Variants in PLK5 observed in about 807,000 individuals in gnomAD.
The protein encoded by PLK5 is inactive serine/threonine-protein kinase PLK5.
In PLK5, 28 loss-of-function variants were observed where a neutral mutation model predicts 33.7. The observed-to-expected ratio is 0.83, with a 90% confidence interval of 0.62 to 1.14. The LOEUF is 1.14. Ranked by LOEUF, PLK5 falls within the 50% of genes most tolerant of loss-of-function variation. The pLI is 0.00. For synonymous variants in PLK5, 225 were observed against 202.2 expected, an observed-to-expected ratio of 1.11 and a Z score of -0.96; for missense variants, 492 against 461.5, an observed-to-expected ratio of 1.07 and a Z score of -0.61.
At chr19:1,534,955 C>T (rs1469927531) in intron 13 of PLK5, 110 bp from the exon 14 acceptor site, 2 of 1,059,678 alleles carry the variant, frequency 1.9e-6, no homozygotes, top group Non-Finnish European at 2.6e-6. Flanking sequence ...GCACTAGGGG[C>T]CAGACTGGGG....
intron 9 of PLK5, 96 bp from the exon 10 acceptor site, chr19:1,529,310 G>A (rs1913853471): frequency 1.8e-6 from 2 of 1,113,346 alleles, no homozygotes; most frequent in Non-Finnish European, 2.6e-6. Flanking sequence ...GCAGAGCACG[G>A]AGGGCACAGG....
Position 1,526,721 on chromosome 19 carries a change from A to G in PLK5, c.-165A>G, listed in dbSNP as rs931891127. Reference sequence around the variant, plus strand: ...ACTGCCAGGTAACTTCTTCCTTAACAAGAACATGGAGGTGAAGATTGGAGA... The same window carrying G: ...ACTGCCAGGTAACTTCTTCCTTAACGAGAACATGGAGGTGAAGATTGGAGA... On this transcript the variant is annotated 5_prime_UTR_variant, in exon 5 of 14. Coordinates refer to ENST00000454744, the MANE Select transcript of PLK5 (RefSeq NM_001243079.2). The G allele has an allele frequency of 4.2e-5, 22 of 518,230 alleles. No individual in the cohort carries two copies. The highest frequency in any genetic ancestry group is 3.0e-4 in the Admixed American group (9 of 30,006). 32.1% of individuals were successfully genotyped at this position (518,230 alleles called of 1,614,324 possible).
chr19:1,524,777 G>A lies in PLK5; in HGVS notation c.-543-528G>A, dbSNP rs1913689721. 6.6e-6 allele frequency among the ~76,000 whole-genome samples: 1 copy of A among 151,906 alleles called. No homozygotes were observed. The highest frequency in any genetic ancestry group is 1.5e-5 in the Non-Finnish European group (1 of 67,998). ...CATATGTGGTGTGTCTAGGAGTTGT[G>A]TGTTCATGTGTTTGTATCTGTGTCT... On this transcript the variant is annotated intron_variant, in intron 1 of 13. Coordinates refer to ENST00000454744, the MANE Select transcript of PLK5 (RefSeq NM_001243079.2). The surrounding 1 kb of genome is among the most constrained non-coding windows in gnomAD (Gnocchi z 4.5).
intron 12 of PLK5, chr19:1,533,583 C>T (rs1417927406): frequency 1.4e-5 from 7 of 484,586 alleles, no homozygotes; most frequent in Admixed American, 1.0e-4. Context: ...GACAGAGAGC[C>T]GCACTGGGCA....
At position 1,528,481 on chromosome 19, in the gene PLK5, TG is replaced by T. The variant is rs1289153477; in HGVS notation, c.328+54del. ...CCAACACCTGCCCACGCCTCCCACCTGCCCACACCTCCCACCTGCCCACGCC... is the reference window on the plus strand; with the variant it reads ...CCAACACCTGCCCACGCCTCCCACCTCCCACACCTCCCACCTGCCCACGCC... On this transcript the variant is annotated intron_variant, in intron 8 of 13. Transcript: ENST00000454744. 1.2e-5 allele frequency: 13 copies of T among 1,125,078 alleles called. No homozygotes were observed. In the African/African-American group the frequency reaches 2.1e-4, roughly 18 times the overall value. The allele number at this position is 1,125,078 out of a possible 1,614,324, so 69.7% of individuals were successfully genotyped here.
rs144593165 is a variant in PLK5, at chr19:1,529,177, G to A, written c.405+203G>A. The A allele has an allele frequency of 2.8e-4, 180 of 644,710 alleles. No individual in the cohort carries two copies. The African/African-American group carries it at 2.9e-3, about 11-fold the overall frequency. The allele number at this position is 644,710 out of a possible 1,614,324, so 39.9% of individuals were successfully genotyped here. A position where few individuals can be genotyped will look rare whatever the true frequency, so the allele number is the denominator to read the frequency against. ...GCCCACCTGGGCTTTCCCAAGGGCC[G>A]GGCTCGAGGCCATGGGAAGGGTCCC... is the stretch of plus-strand genomic sequence containing the variant. On this transcript the variant is annotated intron_variant, in intron 9 of 13. Transcript: ENST00000454744.
Position 1,528,443 on chromosome 19 carries a change from C to A in PLK5, c.328+15C>A, listed in dbSNP as rs764620512. 6.6e-7 allele frequency: 1 copy of A among 1,526,224 alleles called. No homozygotes were observed. Among genetic ancestry groups the A allele is most frequent in the Non-Finnish European group, 8.8e-7 (1 of 1,141,334 alleles). The allele number at this position is 1,526,224 out of a possible 1,614,324, so 94.5% of individuals were successfully genotyped here. ...CCGGCCACCCTGTAAGTACCACCCC[C>A]GCCCACACCTGCCCAACACCTGCCC... On this transcript the variant is annotated intron_variant, in intron 8 of 13. Transcript: ENST00000454744.
chr19:1,528,000 A>G lies in PLK5; in HGVS notation c.67A>G (p.Ile23Val), dbSNP rs1313903523. Reference protein sequence around the residue: ...ASPLSEMYQNIREGHYPEPAH... With the variant: ...ASPLSEMYQNVREGHYPEPAH... Reference sequence around the variant, plus strand: ...ACCCCTGTCGGAGATGTACCAAAACATCCGTGAGGGCCACTACCCCGAACC... The same window carrying G: ...ACCCCTGTCGGAGATGTACCAAAACGTCCGTGAGGGCCACTACCCCGAACC... Residue 23 changes from isoleucine (I) to valine (V), a missense_variant, in exon 7 of 14, where the codon ATC (isoleucine) becomes GTC (valine). By Grantham distance (29) the Ile-to-Val change is conservative. Transcript: ENST00000454744. 1 of 1,535,914 alleles carries G rather than the reference A, an allele frequency of 6.5e-7. No individual in the cohort carries two copies. Among genetic ancestry groups the G allele is most frequent in the Non-Finnish European group, 8.7e-7 (1 of 1,146,870 alleles).
rs1213693692 is a variant in PLK5, at chr19:1,525,294, C to T, written c.-543-11C>T. On this transcript the variant is annotated splice_polypyrimidine_tract_variant and intron_variant, in intron 1 of 13. Coordinates refer to ENST00000454744, the MANE Select transcript of PLK5 (RefSeq NM_001243079.2). ...ACACCTGCCCACTGATCTGCTGACC[C>T]CTCCCCACAGGGCGCCTTCAGCCGC... 1 of 152,836 alleles carries T rather than the reference C, an allele frequency of 6.5e-6. No individual in the cohort carries two copies. The highest frequency in any genetic ancestry group is 6.5e-5 in the Admixed American group (1 of 15,294). The allele number at this position is 152,836 out of a possible 1,614,324, so 9.5% of individuals were successfully genotyped here.
intron 3 of PLK5, among the ~76,000 whole-genome samples, chr19:1,526,074 G>C (rs896050110): frequency 1.3e-5 from 2 of 152,144 alleles, no homozygotes; most frequent in South Asian, 4.1e-4. Context: ...GGTCACCTGC[G>C]CCCCTCCTGC....
Position 1,528,153 on chromosome 19 carries a change from C to CGTGGGGTCCCTGGT in PLK5, c.201+32_201+33insTGTGGGGTCCCTGG, listed in dbSNP as rs1913801363. 1.3e-6 allele frequency: 2 copies of CGTGGGGTCCCTGGT among 1,523,298 alleles called. No individual in the cohort carries two copies. Among genetic ancestry groups the CGTGGGGTCCCTGGT allele is most frequent in the South Asian group, 1.2e-5 (1 of 83,744 alleles). The allele number at this position is 1,523,298 out of a possible 1,614,324, so 94.4% of individuals were successfully genotyped here. ...CACACAGGTGGGCGGCGGTCCTCGG[C>CGTGGGGTCCCTGGT]GTGGGGTCCCTGGCGTGGGGTCCCT... On this transcript the variant is annotated intron_variant, in intron 7 of 13. Coordinates refer to ENST00000454744, the MANE Select transcript of PLK5 (RefSeq NM_001243079.2).
chr19:1,526,292 T>TG (rs1913736936), intron 3 of PLK5, among the ~76,000 whole-genome samples, 194 bp from the exon 4 acceptor site: 1 of 133,670 alleles, frequency 7.5e-6, no homozygotes, highest in East Asian at 2.8e-4. Flanking sequence ...GCTGTGCCCG[T>TG]GGGGAAAGGT....
In PLK5 at chr19:1,526,892, G is replaced by A. The variant is rs961833884; in HGVS notation, c.-94-11G>A. 1.5e-5 allele frequency: 20 copies of A among 1,378,542 alleles called. No homozygotes were observed. Among genetic ancestry groups the A allele is most frequent in the Admixed American group, 2.0e-5 (1 of 50,528 alleles). 85.4% of individuals were successfully genotyped at this position (1,378,542 alleles called of 1,614,324 possible). A position where few individuals can be genotyped will look rare whatever the true frequency, so the allele number is the denominator to read the frequency against. On this transcript the variant is annotated splice_polypyrimidine_tract_variant and intron_variant, in intron 5 of 13. Transcript: ENST00000454744. ...CCAGCCTTCCTGAGCCCCCCATGACGCCCTTCCTAGAGTACTCTGTGGGAC... is the reference window on the plus strand; with the variant it reads ...CCAGCCTTCCTGAGCCCCCCATGACACCCTTCCTAGAGTACTCTGTGGGAC...
At position 1,524,880 on chromosome 19, in the gene PLK5, GTGT is replaced by G. The variant is rs930802262; in HGVS notation, c.-543-421_-543-419del. Reference sequence around the variant, plus strand: ...TGTTCCTGTGCTGTGTCTGGGTATTGTGTTGTGTGTCCACACGTGGTGACTGTG... The same window carrying G: ...TGTTCCTGTGCTGTGTCTGGGTATTGTGTGTGTCCACACGTGGTGACTGTG... On this transcript the variant is annotated intron_variant, in intron 1 of 13. Transcript: ENST00000454744. This position sits in a 1 kb window ranked among gnomAD's most constrained non-coding sequence, Gnocchi z 4.5. 2.6e-5 allele frequency: 4 copies of G among 152,810 alleles called. No individual in the cohort carries two copies. The highest frequency in any genetic ancestry group is 9.7e-5 in the African/African-American group (4 of 41,412). 9.5% of individuals were successfully genotyped at this position (152,810 alleles called of 1,614,324 possible). A position where few individuals can be genotyped will look rare whatever the true frequency, so the allele number is the denominator to read the frequency against.
rs1914069394 is a variant in PLK5 at position 1,535,384 on chromosome 19, T to C, written c.*134T>C. ...GCACACGGGAGGTGGGTTCTTGCCTTGTGGCATGACTGTTCAACCCAGACT... is the reference window on the plus strand; with the variant it reads ...GCACACGGGAGGTGGGTTCTTGCCTCGTGGCATGACTGTTCAACCCAGACT... On this transcript the variant is annotated 3_prime_UTR_variant, in exon 14 of 14. Transcript: ENST00000454744. 1.2e-5 allele frequency: 12 copies of C among 984,960 alleles called. No individual in the cohort carries two copies. The highest frequency in any genetic ancestry group is 3.3e-5 in the Admixed American group (1 of 30,162). 61.0% of individuals were successfully genotyped at this position (984,960 alleles called of 1,614,324 possible).
At chr19:1,533,701 CCT>C (rs780743699) in intron 12 of PLK5, 6 of 595,656 alleles carry the variant, frequency 1.0e-5, no homozygotes, top group Non-Finnish European at 1.8e-5. Flanking sequence ...GGACAGAGGC[CCT>C]GTGTCCTGGC....
At position 1,535,125 on chromosome 19, in the gene PLK5, C is replaced by A; in HGVS notation, c.886C>A (p.Leu296Ile). ...GAGTGGCGAGGGTGAGGGTTTGCAGCTCACCCTCTGGGAGCAGGGGTCCCC... is the reference window on the plus strand; with the variant it reads ...GAGTGGCGAGGGTGAGGGTTTGCAGATCACCCTCTGGGAGCAGGGGTCCCC... Reference protein sequence around the residue: ...VLSGEGEGLQLTLWEQGSPGT... With the variant: ...VLSGEGEGLQITLWEQGSPGT... Residue 296 changes from leucine to isoleucine, a missense_variant, in exon 14 of 14, where the codon CTC becomes ATC. Transcript: ENST00000454744. 6.5e-7 allele frequency: 1 copy of A among 1,535,718 alleles called. No homozygotes were observed.
At position 1,526,471 on chromosome 19, in the gene PLK5, G is replaced by A. The variant is rs2292453; in HGVS notation, c.-312-15G>A. ...TACATTTGCCTTCTAATCCGGGGCC[G>A]CTGGTCACCCACAGTCTTTGGCCCA... On this transcript the variant is annotated splice_polypyrimidine_tract_variant and intron_variant, in intron 3 of 13. Transcript: ENST00000454744. 0.25 allele frequency: 58,982 copies of A among 233,392 alleles called. 9,073 individuals carry two copies. The highest frequency in any genetic ancestry group is 0.56 in the East Asian group (3,726 of 6,662). 14.5% of individuals were successfully genotyped at this position (233,392 alleles called of 1,614,324 possible).
chr19:1,531,747 A>T lies in PLK5; in HGVS notation c.578A>T (p.Asp193Val). 6.5e-7 allele frequency: 1 copy of T among 1,536,360 alleles called. No individual in the cohort carries two copies. Among genetic ancestry groups the T allele is most frequent in the Non-Finnish European group, 8.7e-7 (1 of 1,147,024 alleles). Residue 193 changes from aspartate (D) to valine (V), a missense_variant, in exon 12 of 14, where the codon GAC (aspartate) becomes GTC (valine). Physicochemically the swap from Asp to Val is radical, Grantham distance 152. Coordinates refer to ENST00000454744, the MANE Select transcript of PLK5 (RefSeq NM_001243079.2). ...CTTTGTTTGTGCCCAGCCACACAGG[A>T]CCCCCTGGGAGAGCAGCAGCCCATC... ...CLDVGPPATQDPLGEQQPILW... is the reference protein window; with the variant it reads ...CLDVGPPATQVPLGEQQPILW...
Sources: allele counts gnomAD v4.1 joint callset (sites outside exome capture counted in the v4.1 genomes callset), GRCh38; gene constraint gnomAD v4.1.1; non-coding constraint Gnocchi (gnomAD v3.1); transcripts MANE v1.5; gene names NCBI Gene and HGNC (gene_info 2026-07-23, HGNC 2026-07-21).